Variants in IQSEC1 observed in about 807,000 individuals in gnomAD.
IQSEC1 encodes IQ motif and Sec7 domain ArfGEF 1.
In IQSEC1, 31 loss-of-function variants were observed where a neutral mutation model predicts 91.0. The ratio of observed to expected loss-of-function variants is 0.34; its 90% CI spans 0.26 to 0.46. IQSEC1 has a LOEUF of 0.46. Ranked by LOEUF, IQSEC1 falls within the 20% of genes least tolerant of loss-of-function variation. IQSEC1 has a pLI of 1.00. For synonymous variants in IQSEC1, 699 were observed against 662.6 expected (o/e 1.05, Z -0.84); for missense variants, 1,388 against 1,575.6 (o/e 0.88, Z 2.02).
intron 2 of IQSEC1, among the ~76,000 whole-genome samples, chr3:13,116,287 C>G (rs765840739): frequency 8.5e-5 from 13 of 152,216 alleles, no homozygotes; most frequent in Non-Finnish European, 1.8e-4. Flanking sequence ...GATGGTGTTT[C>G]TGGCTTTGCG....
chr3:13,024,717 A>G (rs927426918), intron 1 of IQSEC1, among the ~76,000 whole-genome samples: 5 of 149,686 alleles, frequency 3.3e-5, no homozygotes, highest in Admixed American at 6.6e-5. Flanking sequence ...CCATCCACCC[A>G]CCCATCCACC....
At chr3:13,263,016 G>A (rs1261320027) in intron 1 of IQSEC1, among the ~76,000 whole-genome samples, 2 of 152,206 alleles carry the variant, frequency 1.3e-5, no homozygotes, top group African/African-American at 4.8e-5. Flanking sequence ...GGGAGGCCAA[G>A]GTGGACAGAT....
chr3:13,242,940 G>T (rs534099569), intron 1 of IQSEC1, among the ~76,000 whole-genome samples: 98 of 152,180 alleles, frequency 6.4e-4, no homozygotes, highest in South Asian at 8.3e-4. Flanking sequence ...CCACACATGT[G>T]GGGGGCCCTA....
chr3:12,941,621 G>A lies in IQSEC1; in HGVS notation c.268C>T (p.Arg90Cys). The A allele has an allele frequency of 1.2e-6, 2 of 1,610,430 alleles. No individual in the cohort carries two copies. The highest frequency in any genetic ancestry group is 2.2e-5 in the South Asian group (2 of 90,546). Reference protein sequence around the residue: ...QAEEEAIKRSRSLSESYELSS... With the variant: ...QAEEEAIKRSCSLSESYELSS... ...AGCTCATAGCTCTCGGAGAGTGAGC[G>A]TGAGCGCTTGATGGCCTCCTCCTCA... The change falls in exon 2 of 14, where the codon CGC (arginine) becomes TGC (cysteine). Residue 90 changes from arginine to cysteine, a missense_variant. Around this residue, in one of 2 missense-constraint regions of IQSEC1, gnomAD observed 1,059 missense variants for 1,317.8 expected, o/e 0.80. Transcript: ENST00000613206.
chr3:13,091,356 G>A (rs537314913), intron 2 of IQSEC1, among the ~76,000 whole-genome samples: 6 of 152,356 alleles, frequency 3.9e-5, no homozygotes, highest in Admixed American at 1.3e-4. Flanking sequence ...GCCATAGACC[G>A]TGCCTGGCAC....
In IQSEC1 at chr3:12,901,497, A is replaced by G. The variant is rs1218436383; in HGVS notation, c.2831T>C (p.Met944Thr). The G allele has an allele frequency of 1.3e-6, 2 of 1,550,002 alleles. No individual in the cohort carries two copies. The highest frequency in any genetic ancestry group is 8.7e-7 in the Non-Finnish European group (1 of 1,146,892). Residue 944 changes from methionine to threonine, a missense_variant, in exon 14 of 14, where the codon ATG becomes ACG. This residue lies in a region of IQSEC1 where 329 missense variants were observed against 257.8 expected (regional missense o/e 1.28). Coordinates refer to ENST00000613206, the MANE Select transcript of IQSEC1 (RefSeq NM_001134382.3). ...TCGTGTTGATGTAGCTCTCCGGCGC[A>G]TGTGAGGACTGCTAATGATGGACCC... Reference protein sequence around the residue: ...VEGSIISSPHMRRRATSTREC... With the variant: ...VEGSIISSPHTRRRATSTREC...
At chr3:13,081,975 G>T (rs893394554) in intron 2 of IQSEC1, among the ~76,000 whole-genome samples, 4 of 152,250 alleles carry the variant, frequency 2.6e-5, no homozygotes, top group Non-Finnish European at 5.9e-5. Context: ...TCGGTAGAGT[G>T]GGGTGAATGA....
At chr3:13,078,503 G>T (rs901838932) in intron 2 of IQSEC1, among the ~76,000 whole-genome samples, 1 of 151,892 alleles carries the variant, frequency 6.6e-6, no homozygotes, top group Non-Finnish European at 1.5e-5. Context: ...AGTGTAGCCT[G>T]GGGGGGAAGG....
intron 3 of IQSEC1, among the ~76,000 whole-genome samples, chr3:12,926,600 T>TG (rs2125229360): frequency 6.6e-6 from 1 of 152,332 alleles, no homozygotes; most frequent in South Asian, 2.1e-4. Context: ...CTAGAACCTG[T>TG]GCTAGGGTGT....
At chr3:13,083,206 A>G (rs1393701299) in intron 2 of IQSEC1, among the ~76,000 whole-genome samples, 2 of 152,178 alleles carry the variant, frequency 1.3e-5, no homozygotes, top group Non-Finnish European at 2.9e-5. Context: ...GCTGAGTGAC[A>G]CTAGTGTTCA....
chr3:13,188,985 C>T (rs1559273407), intron 1 of IQSEC1, among the ~76,000 whole-genome samples: 1 of 152,242 alleles, frequency 6.6e-6, no homozygotes, highest in Non-Finnish European at 1.5e-5. Flanking sequence ...CACCTGGCAG[C>T]ACCCCCTCAG....
At chr3:13,219,297 G>T (rs1032207552) in intron 1 of IQSEC1, among the ~76,000 whole-genome samples, 1 of 152,162 alleles carries the variant, frequency 6.6e-6, no homozygotes, top group Non-Finnish European at 1.5e-5. Context: ...GAAGGTCAGC[G>T]GACTCCAGAA....
chr3:13,163,735 C>T (rs149101), intron 2 of IQSEC1, among the ~76,000 whole-genome samples: 23,106 of 152,180 alleles, frequency 0.15, 1,841 homozygotes, highest in African/African-American at 0.21. Context: ...GCCCTGACCC[C>T]GCCCAGCCCA....
chr3:12,914,996 C>T (rs1695936720), intron 8 of IQSEC1, 108 bp downstream of exon 8: 1 of 1,103,962 alleles, frequency 9.1e-7, no homozygotes, highest in Non-Finnish European at 1.3e-6. Context: ...TGAACTCAAG[C>T]AGCCAGCACT....
At chr3:12,928,976 C>T (rs564173563) in intron 3 of IQSEC1, among the ~76,000 whole-genome samples, 1 of 152,270 alleles carries the variant, frequency 6.6e-6, no homozygotes, top group South Asian at 2.1e-4. Context: ...GCTATGCTAG[C>T]ACAGTTATGG....
In IQSEC1 at chr3:12,983,981, T is replaced by C. The variant is rs948885720; in HGVS notation, c.24-42116A>G. Among the ~76,000 whole-genome samples the C allele has an allele frequency of 6.6e-6, 1 of 152,104 alleles. No individual in the cohort carries two copies. The highest frequency in any genetic ancestry group is 1.9e-4 in the East Asian group (1 of 5,192). ...TTCATACGTGGGTTCTGGGGGATAG[T>C]AACATGGTAAACAGATGGTCTGCAC... is the stretch of plus-strand genomic sequence containing the variant. On this transcript the variant is annotated intron_variant, in intron 1 of 13. Coordinates refer to ENST00000613206, the MANE Select transcript of IQSEC1 (RefSeq NM_001134382.3). The surrounding 1 kb of genome is among the most constrained non-coding windows in gnomAD (Gnocchi z 4.3).
intron 2 of IQSEC1, among the ~76,000 whole-genome samples, chr3:13,091,205 A>G (rs1021160623): frequency 3.9e-5 from 6 of 152,160 alleles, no homozygotes; most frequent in Admixed American, 2.6e-4. Flanking sequence ...ACTCAGGTGC[A>G]TGCCTTGACC....
chr3:13,116,228 CA>C (rs1162924319), intron 2 of IQSEC1, among the ~76,000 whole-genome samples: 3 of 152,198 alleles, frequency 2.0e-5, no homozygotes, highest in African/African-American at 7.2e-5. Flanking sequence ...ACTCAGGGCC[CA>C]GGGGCAGCCG....
At chr3:13,084,235 C>T (rs1705697058) in intron 2 of IQSEC1, among the ~76,000 whole-genome samples, 1 of 152,098 alleles carries the variant, frequency 6.6e-6, no homozygotes, top group South Asian at 2.1e-4. Flanking sequence ...CTAAGTAAGG[C>T]GTGGGGCACA....
Sources: allele counts gnomAD v4.1 joint callset (sites outside exome capture counted in the v4.1 genomes callset), GRCh38; gene constraint gnomAD v4.1.1; regional missense constraint gnomAD v4.1.1; non-coding constraint Gnocchi (gnomAD v3.1); transcripts MANE v1.5; gene names NCBI Gene and HGNC (gene_info 2026-07-23, HGNC 2026-07-21).